Variants in ITGA6 observed in about 807,000 individuals in gnomAD.
ITGA6 encodes the protein integrin alpha-6.
Under a neutral mutation model 133.6 loss-of-function variants are expected in ITGA6, and 63 were observed. The ratio of observed to expected loss-of-function variants is 0.47; its 90% CI spans 0.38 to 0.58. The LOEUF is 0.58. ITGA6 is among the 20% of genes least tolerant of loss of function. ITGA6 has a pLI of 0.00. For missense variants in ITGA6, 1,068 were observed against 1,309.4 expected (o/e 0.82, Z 2.85); for synonymous variants, 434 against 482.0 (o/e 0.90, Z 1.30).
At chr2:172,456,115 T>C (rs1206099037) in intron 1 of ITGA6, among the ~76,000 whole-genome samples, 1 of 152,176 alleles carries the variant, frequency 6.6e-6, no homozygotes, top group Non-Finnish European at 1.5e-5. Flanking sequence ...ACATTCCCTG[T>C]TAATCACTGG....
chr2:172,441,884 GA>G (rs1383801763), intron 1 of ITGA6, among the ~76,000 whole-genome samples: 1 of 151,982 alleles, frequency 6.6e-6, no homozygotes, highest in Non-Finnish European at 1.5e-5. Context: ...TTTCCCACTA[GA>G]ACCCCATCCC....
rs1243484758 is a variant in ITGA6, at chr2:172,505,353, T to G, written c.*1285T>G. ...TGAAAGAAATGGTGAATGCCTATGG[T>G]GGATCCAAACTGATCCAGTATAAGA... On this transcript the variant is annotated 3_prime_UTR_variant, in exon 26 of 26. Coordinates refer to ENST00000684293, the MANE Select transcript of ITGA6 (RefSeq NM_000210.4). 6.6e-6 allele frequency: 1 copy of G among 152,208 alleles called. No homozygotes were observed. The highest frequency in any genetic ancestry group is 1.5e-5 in the Non-Finnish European group (1 of 68,034). 9.4% of individuals were successfully genotyped at this position (152,208 alleles called of 1,614,324 possible).
chr2:172,462,192 G>A (rs1685454606), intron 1 of ITGA6, among the ~76,000 whole-genome samples: 1 of 152,176 alleles, frequency 6.6e-6, no homozygotes, highest in Admixed American at 6.5e-5. Context: ...GTGGGTCCCA[G>A]GAGACCGGGC....
chr2:172,449,978 A>C (rs1038230992), intron 1 of ITGA6, among the ~76,000 whole-genome samples: 15 of 150,944 alleles, frequency 9.9e-5, no homozygotes, highest in African/African-American at 3.2e-4. Context: ...AGCCCTGAGG[A>C]ATGTGAAGGA....
chr2:172,469,037 C>A, intron 3 of ITGA6, 88 bp from the exon 4 acceptor site: 1 of 1,378,450 alleles, frequency 7.3e-7, no homozygotes, highest in Non-Finnish European at 1.0e-6. Context: ...TAGAATTAAC[C>A]TCTGTATTGA....
At chr2:172,495,141 G>T (rs1247265344) in intron 23 of ITGA6, among the ~76,000 whole-genome samples, 1 of 152,164 alleles carries the variant, frequency 6.6e-6, no homozygotes, top group East Asian at 1.9e-4. Flanking sequence ...TACATTACAG[G>T]GTAATTTAGA....
At chr2:172,464,420 A>G (rs1041395152) in intron 1 of ITGA6, 1 of 152,096 alleles carries the variant, frequency 6.6e-6, no homozygotes, top group Non-Finnish European at 1.5e-5. Context: ...TGTTGTTTGT[A>G]CAGGTTCGTG....
chr2:172,473,956 G>A, intron 5 of ITGA6, 99 bp from the exon 6 acceptor site: 1 of 762,740 alleles, frequency 1.3e-6, no homozygotes, highest in Non-Finnish European at 2.2e-6. Flanking sequence ...GGAGAGAGGG[G>A]TGGGAAGCCA....
In ITGA6 at chr2:172,498,230, CAT is replaced by C. The variant is rs1225050781; in HGVS notation, c.3114+132_3114+133del. 3.3e-4 allele frequency: 313 copies of C among 960,342 alleles called. 2 individuals are homozygous for C. Among genetic ancestry groups the C allele is most frequent in the Non-Finnish European group, 3.9e-4 (244 of 630,342 alleles). The allele number at this position is 960,342 out of a possible 1,614,324, so 59.5% of individuals were successfully genotyped here. On this transcript the variant is annotated intron_variant, in intron 24 of 25. Coordinates refer to ENST00000684293, the MANE Select transcript of ITGA6 (RefSeq NM_000210.4). ...TTCTAACATTATGAAACTCTTTTGA[CAT>C]AGCAAATTTGAGGAAAATTTTACCA...
chr2:172,479,790 T>G (rs1420300025), intron 10 of ITGA6, 51 bp downstream of exon 10: 3 of 1,488,468 alleles, frequency 2.0e-6, no homozygotes, highest in East Asian at 2.3e-5. Flanking sequence ...CCACCTCCAC[T>G]TCATGATGAC....
chr2:172,433,789 C>G (rs533252937), intron 1 of ITGA6, among the ~76,000 whole-genome samples: 1 of 152,330 alleles, frequency 6.6e-6, no homozygotes, highest in African/African-American at 2.4e-5. Flanking sequence ...AAGTGCATCT[C>G]AGAAGAGCCA....
chr2:172,450,699 A>G (rs1684950492), intron 1 of ITGA6, among the ~76,000 whole-genome samples: 1 of 151,818 alleles, frequency 6.6e-6, no homozygotes, highest in African/African-American at 2.4e-5. Context: ...TCAAGCCTGT[A>G]ATCCCAGCAC....
At chr2:172,467,229 A>G (rs16860458) in intron 2 of ITGA6, among the ~76,000 whole-genome samples, 8,154 of 152,204 alleles carry the variant, frequency 0.054, 599 homozygotes, top group African/African-American at 0.17. Context: ...GAGAGGGCAA[A>G]GGGTATTGTT....
intron 8 of ITGA6, 96 bp downstream of exon 8, chr2:172,475,781 T>C (rs184522007): frequency 2.6e-6 from 2 of 778,482 alleles, no homozygotes; most frequent in Admixed American, 1.8e-5. Context: ...CAAATCTTAT[T>C]TTATTTACAA....
At chr2:172,499,562 G>A (rs751663361) in intron 24 of ITGA6, among the ~76,000 whole-genome samples, 12 of 151,838 alleles carry the variant, frequency 7.9e-5, no homozygotes, top group Non-Finnish European at 1.3e-4. Flanking sequence ...AGGCCTTGCT[G>A]TGTTGCCCAG....
At chr2:172,499,428 G>A (rs1182102418) in intron 24 of ITGA6, among the ~76,000 whole-genome samples, 1 of 151,888 alleles carries the variant, frequency 6.6e-6, no homozygotes, top group Non-Finnish European at 1.5e-5. Context: ...GCAGTGGTGT[G>A]ATCATGGCTC....
Position 172,476,414 on chromosome 2 carries a change from C to G in ITGA6, c.1289C>G (p.Pro430Arg). ...KPTQVLKGISPYFGYSIAGNM... is the reference protein window; with the variant it reads ...KPTQVLKGISRYFGYSIAGNM... ...TTTCAGGTTCTCAAGGGTATATCACCTTATTTTGGATATTCAATTGCTGGA... is the reference window on the plus strand; with the variant it reads ...TTTCAGGTTCTCAAGGGTATATCACGTTATTTTGGATATTCAATTGCTGGA... Residue 430 changes from proline (P) to arginine (R), a missense_variant, in exon 9 of 26, where the codon CCT (proline) becomes CGT (arginine). Pro to Arg is a moderately radical substitution (Grantham distance 103, BLOSUM62 -2). Coordinates refer to ENST00000684293, the MANE Select transcript of ITGA6 (RefSeq NM_000210.4). 1 of 1,604,606 alleles carries G rather than the reference C, an allele frequency of 6.2e-7. No homozygotes were observed. Among genetic ancestry groups the G allele is most frequent in the Non-Finnish European group, 8.5e-7 (1 of 1,171,494 alleles).
rs774751117 is a variant in ITGA6 at position 172,491,602 on chromosome 2, G to T, written c.2988+79G>T. ...CCCCACACTCATGTCCTGAAGTCAT[G>T]TGCTTTGGTGCTCATTTCCCTCATA... On this transcript the variant is annotated intron_variant, in intron 23 of 25. Transcript: ENST00000684293. This position sits in a 1 kb window ranked among gnomAD's most constrained non-coding sequence, Gnocchi z 4.4. 2.5e-5 allele frequency: 23 copies of T among 916,934 alleles called. No homozygotes were observed. Among genetic ancestry groups the T allele is most frequent in the Non-Finnish European group, 3.9e-5 (22 of 567,226 alleles). 56.8% of individuals were successfully genotyped at this position (916,934 alleles called of 1,614,324 possible).
intron 1 of ITGA6, among the ~76,000 whole-genome samples, chr2:172,453,482 C>T (rs1685090635): frequency 6.6e-6 from 1 of 152,174 alleles, no homozygotes; most frequent in Non-Finnish European, 1.5e-5. Flanking sequence ...TGATTACGCA[C>T]TGCCCTCCAG....
Sources: gnomAD v4.1 joint callset for allele counts (sites outside exome capture counted in the v4.1 genomes callset) on GRCh38, gnomAD v4.1.1 for gene constraint, Gnocchi (gnomAD v3.1) non-coding constraint, MANE v1.5 for transcripts, NCBI Gene and HGNC (gene_info 2026-07-23, HGNC 2026-07-21) for gene names.